SSPN: variants seen among roughly 807,000 people sequenced by gnomAD.
SSPN encodes the protein sarcospan, also known as K-ras oncogene-associated protein.
SSPN carries 15 observed loss-of-function variants against 19.1 expected under a neutral mutation model. The observed-to-expected ratio is 0.78, with a 90% CI of 0.52 to 1.21. The LOEUF (loss-of-function observed/expected upper bound fraction) is 1.21, where lower values mean the gene tolerates loss of function less well. SSPN is among the 50% of genes most tolerant of loss of function. The pLI is 0.00. For missense variants in SSPN, 291 were observed against 314.0 expected, an observed-to-expected ratio of 0.93 and a Z score of 0.55; for synonymous variants, 147 against 140.3, an observed-to-expected ratio of 1.05 and a Z score of -0.34.
At chr12:26,196,597 C>G (rs1474674221) in intron 1 of SSPN, among the ~76,000 whole-genome samples, 2 of 152,198 alleles carry the variant, frequency 1.3e-5, no homozygotes, top group African/African-American at 2.4e-5. Context: ...CTAAGTTGAA[C>G]AGTACTCAGC....
chr12:26,211,957 T>C (rs949789637), intron 1 of SSPN, among the ~76,000 whole-genome samples: 3 of 152,192 alleles, frequency 2.0e-5, no homozygotes, highest in Admixed American at 6.6e-5. Flanking sequence ...ACATAAGTAT[T>C]CCATACTTCT....
At chr12:26,122,609 GGCT>G (rs1413876711) in intron 1 of SSPN, 18 of 1,133,062 alleles carry the variant, frequency 1.6e-5, no homozygotes, top group Non-Finnish European at 1.8e-5. Flanking sequence ...CCAGAAGCGC[GGCT>G]GCCGCCGCCG....
At chr12:26,220,347 CT>C (rs1400625114) in intron 1 of SSPN, among the ~76,000 whole-genome samples, 1 of 150,928 alleles carries the variant, frequency 6.6e-6, no homozygotes, top group African/African-American at 2.4e-5. Flanking sequence ...TACATTTAAG[CT>C]TTATAGCAAA....
At chr12:26,148,382 G>A (rs951182199) in intron 1 of SSPN, among the ~76,000 whole-genome samples, 4 of 152,160 alleles carry the variant, frequency 2.6e-5, no homozygotes, top group Admixed American at 6.5e-5. Context: ...ATCTTAAATC[G>A]ATTTGAATAA....
intron 1 of SSPN, among the ~76,000 whole-genome samples, chr12:26,147,517 C>T (rs61915726): frequency 0.27 from 40,611 of 151,964 alleles, 5,619 homozygotes; most frequent in South Asian, 0.37. Flanking sequence ...GTGTTCCACC[C>T]GTCTTGGCCT....
upstream of SSPN, chr12:26,195,479 C>T (rs939427637): frequency 8.9e-6 from 9 of 1,009,024 alleles, no homozygotes; most frequent in African/African-American, 1.5e-4. Context: ...CAGTTGGCGA[C>T]CCCCCTCGAA....
At chr12:26,156,038 A>T (rs1293960410) in intron 1 of SSPN, among the ~76,000 whole-genome samples, 1 of 152,252 alleles carries the variant, frequency 6.6e-6, no homozygotes, top group African/African-American at 2.4e-5. Context: ...AAGAACTTTG[A>T]TGGTAAAGAA....
intron 1 of SSPN, among the ~76,000 whole-genome samples, chr12:26,177,332 G>A (rs1484677833): frequency 6.6e-6 from 1 of 152,192 alleles, no homozygotes; most frequent in Non-Finnish European, 1.5e-5. Context: ...CGGACATGGT[G>A]CTGGTTGCTA....
chr12:26,195,775 GC>G lies in SSPN; in HGVS notation c.108del (p.Lys37ArgfsTer31), dbSNP rs35502617. The G allele has an allele frequency of 6.6e-7, 1 of 1,506,902 alleles. No individual in the cohort carries two copies. The highest frequency in any genetic ancestry group is 8.8e-7 in the Non-Finnish European group (1 of 1,130,938). The allele number at this position is 1,506,902 out of a possible 1,614,324, so 93.3% of individuals were successfully genotyped here. On this transcript the variant is annotated frameshift_variant, in exon 1 of 3. Transcript: ENST00000242729. LOFTEE classifies it high-confidence loss of function. ...CATGGAGCCGAAGAAGGGCACGGGG[GC>G]CCCCAAGGAGTGCGGGGAGGAGGAG... ...DDMEPKKGTG[A>X]PKECGEEEPR...
At chr12:26,188,442 A>G (rs987136024) in intron 1 of SSPN, among the ~76,000 whole-genome samples, 2 of 152,252 alleles carry the variant, frequency 1.3e-5, no homozygotes, top group African/African-American at 2.4e-5. Context: ...ACAATGACTC[A>G]GCTGTTCTAA....
intron 1 of SSPN, among the ~76,000 whole-genome samples, chr12:26,174,693 G>C (rs1223332519): frequency 6.6e-6 from 1 of 152,010 alleles, no homozygotes; most frequent in Non-Finnish European, 1.5e-5. Flanking sequence ...GCTCATTTTT[G>C]TATTTTTAGT....
At chr12:26,153,128 G>A (rs1223101901) in intron 1 of SSPN, among the ~76,000 whole-genome samples, 1 of 152,112 alleles carries the variant, frequency 6.6e-6, no homozygotes, top group African/African-American at 2.4e-5. Flanking sequence ...ACCACTCTCC[G>A]TCATATTCCC....
At chr12:26,162,590 T>C (rs1944595962) in intron 1 of SSPN, among the ~76,000 whole-genome samples, 1 of 152,228 alleles carries the variant, frequency 6.6e-6, no homozygotes, top group South Asian at 2.1e-4. Flanking sequence ...ACCGCTCCAA[T>C]ATCATTTTCA....
chr12:26,122,010 A>G, exon 1 of SSPN: 2 of 1,544,438 alleles, frequency 1.3e-6, no homozygotes, highest in Non-Finnish European at 1.7e-6. Flanking sequence ...GAACCTCCTT[A>G]AGGGTATTTT....
intron 1 of SSPN, among the ~76,000 whole-genome samples, chr12:26,164,747 CCT>C (rs1180584273): frequency 5.3e-5 from 8 of 151,864 alleles, no homozygotes; most frequent in East Asian, 1.9e-4. Context: ...TAAATTTTAC[CCT>C]GTTTTTGTAA....
At chr12:26,208,691 A>T (rs1468811794) in intron 1 of SSPN, among the ~76,000 whole-genome samples, 3 of 152,102 alleles carry the variant, frequency 2.0e-5, no homozygotes, top group African/African-American at 7.2e-5. Flanking sequence ...TAAAAATGTT[A>T]AAGGTTTGCT....
intron 1 of SSPN, among the ~76,000 whole-genome samples, chr12:26,198,917 C>T (rs1340134276): frequency 6.6e-6 from 1 of 152,216 alleles, no homozygotes; most frequent in Non-Finnish European, 1.5e-5. Flanking sequence ...CGAAGCAATC[C>T]AGGCCCATCC....
In SSPN at chr12:26,231,184, A is replaced by C; in HGVS notation, c.*108A>C. 48 of 1,341,478 alleles carry C rather than the reference A, an allele frequency of 3.6e-5. 1 individual carries two copies. The highest frequency in any genetic ancestry group is 4.7e-5 in the Non-Finnish European group (48 of 1,020,940). 83.1% of individuals were successfully genotyped at this position (1,341,478 alleles called of 1,614,324 possible). On this transcript the variant is annotated 3_prime_UTR_variant, in exon 3 of 3. Transcript: ENST00000242729. The stretch of plus-strand genomic sequence containing the variant: ...AGGAAAAAAATTGACAATAAAAGTC[A>C]CTCTTCTAATTGAATATTTTTATAT...
Position 26,141,320 on chromosome 12 carries a change from G to A in SSPN, c.-31+19168G>A, listed in dbSNP as rs143863813. Among the ~76,000 whole-genome samples the A allele has an allele frequency of 7.8e-4, 119 of 152,250 alleles. 1 individual carries two copies. The East Asian group carries it at 0.012, about 15-fold the overall frequency. ...TCCAAGGACTGTGGGTGCCTCCAGA[G>A]ACGGGAAAACGTAAGGAAATGGATT... On this transcript the variant is annotated intron_variant, in intron 1 of 2. Coordinates refer to the SSPN transcript ENST00000538142.
Sources: gnomAD v4.1 joint callset for allele counts (sites outside exome capture counted in the v4.1 genomes callset) on GRCh38, gnomAD v4.1.1 for gene constraint, MANE v1.5 for transcripts, NCBI Gene and HGNC (gene_info 2026-07-23, HGNC 2026-07-21) for gene names.